ERMP1: variants seen among roughly 807,000 people sequenced by gnomAD.
ERMP1 encodes the protein endoplasmic reticulum metallopeptidase 1, also known as Felix-ina.
In ERMP1, 86 loss-of-function variants were observed where a neutral mutation model predicts 92.0. That is an observed-to-expected ratio of 0.93 (90% CI 0.79 to 1.12). The LOEUF (loss-of-function observed/expected upper bound fraction) is 1.12, where lower values mean the gene tolerates loss of function less well. ERMP1 is among the 50% of genes most tolerant of loss of function. The pLI is 0.00. For missense variants in ERMP1, 1,342 were observed against 1,116.3 expected, an observed-to-expected ratio of 1.20 and a Z score of -2.88; for synonymous variants, 530 against 412.8, an observed-to-expected ratio of 1.28 and a Z score of -3.44.
At chr9:5,834,255 C>G (rs575799112), upstream of ERMP1, among the ~76,000 whole-genome samples, 5 of 152,174 alleles carry the variant, frequency 3.3e-5, no homozygotes, top group Non-Finnish European at 7.3e-5. Flanking sequence ...TCCTCATTGT[C>G]TTTTTAACTC....
In ERMP1 at chr9:5,801,139, T is replaced by C. The variant is rs1828656004; in HGVS notation, c.2067+37A>G. On this transcript the variant is annotated intron_variant, in intron 11 of 14. Transcript: ENST00000339450. ...GAAGCTCAAAACACACAGGGCTTCC[T>C]TTCCAGATCTCAAATACCTCATGCA... 1.9e-6 allele frequency: 3 copies of C among 1,581,860 alleles called. No individual in the cohort carries two copies. In the East Asian group the frequency reaches 6.8e-5, roughly 36 times the overall value.
chr9:5,865,403 G>A (rs955680853), intron 5 of ERMP1, among the ~76,000 whole-genome samples: 2 of 152,064 alleles, frequency 1.3e-5, no homozygotes, highest in African/African-American at 4.8e-5. Context: ...AGCTACTTGG[G>A]AGGCTGAGGC....
rs1227107615 is a variant in ERMP1 at position 5,810,129 on chromosome 9, A to G, written c.1430T>C (p.Leu477Pro). 6.2e-7 allele frequency: 1 copy of G among 1,614,004 alleles called. No individual in the cohort carries two copies. The highest frequency in any genetic ancestry group is 1.7e-5 in the Admixed American group (1 of 60,026). ...TVLIIAVFISLIGQSLSWYNH... is the reference protein window; with the variant it reads ...TVLIIAVFISPIGQSLSWYNH... ...ATACCATGAGAGAGACTGTCCAATA[A>G]GAGAGATGAACACTGCTATAATGAG... Residue 477 changes from leucine to proline, a missense_variant, in exon 8 of 15, where the codon CTT becomes CCT. Leu to Pro is a moderately conservative substitution (Grantham distance 98). Coordinates refer to ENST00000339450, the MANE Select transcript of ERMP1 (RefSeq NM_024896.3).
chr9:5,827,527 G>T (rs916887203), intron 2 of ERMP1, among the ~76,000 whole-genome samples: 1 of 152,208 alleles, frequency 6.6e-6, no homozygotes, highest in Admixed American at 6.5e-5. Flanking sequence ...AAATTGCCTT[G>T]AGATTGTTGC....
chr9:5,822,946 T>G (rs996363214), intron 4 of ERMP1, among the ~76,000 whole-genome samples: 1 of 152,180 alleles, frequency 6.6e-6, no homozygotes, highest in Non-Finnish European at 1.5e-5. Flanking sequence ...TAGGCATAAA[T>G]AGGCTAAGTT....
chr9:5,820,025 C>T (rs556057006), intron 4 of ERMP1, among the ~76,000 whole-genome samples: 2 of 152,192 alleles, frequency 1.3e-5, no homozygotes, highest in Admixed American at 6.5e-5. Context: ...ACAGGCCGGG[C>T]GTGGTGGGTC....
At chr9:5,795,026 T>C (rs1726376259) in intron 13 of ERMP1, among the ~76,000 whole-genome samples, 1 of 152,254 alleles carries the variant, frequency 6.6e-6, no homozygotes, top group Non-Finnish European at 1.5e-5. Flanking sequence ...AAATCAACGA[T>C]GCATAAAAGG....
chr9:5,841,427 G>A (rs1436131250), intron 6 of ERMP1, among the ~76,000 whole-genome samples: 1 of 152,212 alleles, frequency 6.6e-6, no homozygotes, highest in Non-Finnish European at 1.5e-5. Flanking sequence ...ACACAGGTTG[G>A]TGGTTAGAAC....
At chr9:5,789,062 C>G (rs749193175) in intron 13 of ERMP1, among the ~76,000 whole-genome samples, 12 of 151,924 alleles carry the variant, frequency 7.9e-5, no homozygotes, top group Admixed American at 7.2e-4. Flanking sequence ...TCATTTGGTA[C>G]CCCAGAAGAA....
intron 6 of ERMP1, 47 bp from the exon 7 acceptor site, chr9:5,811,370 A>G (rs1472066926): frequency 7.0e-7 from 1 of 1,430,078 alleles, no homozygotes; most frequent in African/African-American, 1.4e-5. Context: ...AAAAAGATAA[A>G]AAGGCTGAAT....
At chr9:5,828,176 A>G (rs759695627) in intron 2 of ERMP1, among the ~76,000 whole-genome samples, 2 of 152,226 alleles carry the variant, frequency 1.3e-5, no homozygotes, top group Non-Finnish European at 2.9e-5. Flanking sequence ...CTAATGGCTC[A>G]CAAAAATGCT....
At chr9:5,814,635 C>CA (rs1446850463) in intron 4 of ERMP1, among the ~76,000 whole-genome samples, 2 of 152,134 alleles carry the variant, frequency 1.3e-5, no homozygotes, top group Admixed American at 1.3e-4. Flanking sequence ...GAGGCTGAGG[C>CA]AGGAGAATTG....
intron 5 of ERMP1, among the ~76,000 whole-genome samples, chr9:5,859,760 G>C (rs1011222035): frequency 9.9e-5 from 15 of 152,188 alleles, no homozygotes; most frequent in African/African-American, 3.6e-4. Flanking sequence ...CTGGCACATA[G>C]TTGATGCTTA....
intron 5 of ERMP1, among the ~76,000 whole-genome samples, chr9:5,866,163 G>A (rs1830653099): frequency 6.6e-6 from 1 of 152,186 alleles, no homozygotes; most frequent in African/African-American, 2.4e-5. Flanking sequence ...CCATTTTGGG[G>A]GGTAAATTGC....
chr9:5,788,923 T>C (rs1828054922), intron 13 of ERMP1, among the ~76,000 whole-genome samples: 1 of 151,904 alleles, frequency 6.6e-6, no homozygotes, highest in African/African-American at 2.4e-5. Flanking sequence ...CCCAACAGAA[T>C]AGATTCAAAG....
At chr9:5,799,134 C>T (rs886431470) in intron 11 of ERMP1, 126 bp from the exon 12 acceptor site, 2 of 636,586 alleles carry the variant, frequency 3.1e-6, no homozygotes, top group Non-Finnish European at 5.5e-6. Context: ...GAATAAGACA[C>T]TGAGAGTTTC....
chr9:5,859,563 C>T (rs1021856320), exon 6 of ERMP1, among the ~76,000 whole-genome samples: 2 of 152,252 alleles, frequency 1.3e-5, no homozygotes, highest in South Asian at 4.1e-4. Context: ...AGAGAAGTTC[C>T]GAGGCGAAGT....
At chr9:5,835,541 CT>C (rs1830085930), upstream of ERMP1, among the ~76,000 whole-genome samples, 1 of 152,146 alleles carries the variant, frequency 6.6e-6, no homozygotes, top group Non-Finnish European at 1.5e-5. Context: ...CCACATAAGC[CT>C]GGGGAGAGAA....
intron 6 of ERMP1, among the ~76,000 whole-genome samples, chr9:5,855,321 G>C (rs184343018): frequency 1.3e-5 from 2 of 152,310 alleles, no homozygotes; most frequent in Non-Finnish European, 1.5e-5. Context: ...AGACCACTGA[G>C]AGCAATTAGC....
Sources: allele counts gnomAD v4.1 joint callset (sites outside exome capture counted in the v4.1 genomes callset), GRCh38; gene constraint gnomAD v4.1.1; transcripts MANE v1.5; gene names NCBI Gene and HGNC (gene_info 2026-07-23, HGNC 2026-07-21).